ARMC9: variants seen among roughly 807,000 people sequenced by gnomAD.
The protein encoded by ARMC9 is armadillo repeat containing 9.
A neutral mutation model predicts 107.0 loss-of-function variants in ARMC9; 94 were observed. The ratio of observed to expected loss-of-function variants is 0.88; its 90% CI spans 0.74 to 1.04. The LOEUF is 1.04. ARMC9 is among the 50% of genes least tolerant of loss of function. The probability of loss-of-function intolerance (pLI) is 0.00; values close to 1 mark genes in which losing one functional copy is unlikely to be tolerated. For synonymous variants in ARMC9, 380 were observed against 396.9 expected (o/e 0.96, Z 0.51); for missense variants, 942 against 1,030.1 (o/e 0.91, Z 1.17).
intron 7 of ARMC9, among the ~76,000 whole-genome samples, chr2:231,229,751 A>C (rs2035030014): frequency 6.6e-6 from 1 of 152,238 alleles, no homozygotes; most frequent in Admixed American, 6.5e-5. Flanking sequence ...ACAAACAGGA[A>C]AGAGTATATC....
At chr2:231,249,708 G>A (rs543140544) in intron 9 of ARMC9, among the ~76,000 whole-genome samples, 1 of 152,290 alleles carries the variant, frequency 6.6e-6, no homozygotes, top group South Asian at 2.1e-4. Flanking sequence ...TAATTGATGG[G>A]TTACTACATT....
intron 17 of ARMC9, among the ~76,000 whole-genome samples, chr2:231,290,694 G>A (rs2125470482): frequency 6.6e-6 from 1 of 152,112 alleles, no homozygotes; most frequent in Admixed American, 6.5e-5. Context: ...CTGGCATCAG[G>A]GTATTATAAT....
In ARMC9 at chr2:231,365,155, A is replaced by C. The variant is rs374974973; in HGVS notation, c.2261+4272A>C. ...GAGGCCAGATTAGGGCAGAGCAGAG[A>C]AACCATGTGGAAAGGAAGTCCAGGA... On this transcript the variant is annotated intron_variant, in intron 23 of 24. Coordinates refer to ENST00000611582, the MANE Select transcript of ARMC9 (RefSeq NM_001352754.2). Among the ~76,000 whole-genome samples the C allele has an allele frequency of 2.6e-5, 4 of 152,194 alleles. No individual in the cohort carries two copies. The East Asian group carries it at 7.7e-4, about 29-fold the overall frequency.
At chr2:231,240,672 A>G (rs574005368) in intron 9 of ARMC9, among the ~76,000 whole-genome samples, 9 of 152,228 alleles carry the variant, frequency 5.9e-5, no homozygotes, top group Non-Finnish European at 1.3e-4. Flanking sequence ...TACCAACTTC[A>G]GTAAATTTAA....
At chr2:231,354,318 G>GC (rs1483285865) in intron 21 of ARMC9, among the ~76,000 whole-genome samples, 7 of 143,918 alleles carry the variant, frequency 4.9e-5, no homozygotes, top group East Asian at 2.0e-4. Context: ...AGACTTTCCT[G>GC]CCCCCCTCAG....
At chr2:231,289,683 G>A (rs1395026490) in intron 17 of ARMC9, among the ~76,000 whole-genome samples, 2 of 152,252 alleles carry the variant, frequency 1.3e-5, no homozygotes, top group Middle Eastern at 3.4e-3. Flanking sequence ...GCCTGGCCAG[G>A]TGTCCAACTG....
intron 1 of ARMC9, among the ~76,000 whole-genome samples, chr2:231,203,282 C>T (rs760084158): frequency 1.3e-5 from 2 of 152,172 alleles, no homozygotes; most frequent in Non-Finnish European, 2.9e-5. Flanking sequence ...CCCAGGTTTT[C>T]GTTGACTCAG....
At chr2:231,265,572 G>A (rs1487860548) in intron 12 of ARMC9, among the ~76,000 whole-genome samples, 1 of 152,076 alleles carries the variant, frequency 6.6e-6, no homozygotes, top group African/African-American at 2.4e-5. Context: ...TTTTATAATG[G>A]ACCTTGCACA....
rs575577896 is a variant in ARMC9, at chr2:231,370,040, A to G, written c.2349A>G (p.Ser783=). Residue 783 remains serine, a synonymous_variant, in exon 24 of 25, where the codon TCA becomes TCG. Transcript: ENST00000611582. Reference sequence around the variant, plus strand: ...GGAACCCACCCAAGGCAAAGGCGTCAGTTCTGGCCCCTCTGTTCTCTTCGT... The same window carrying G: ...GGAACCCACCCAAGGCAAAGGCGTCGGTTCTGGCCCCTCTGTTCTCTTCGT... ...LDWNPPKAKA[S]VLAPLFSSCG... 236 of 1,535,730 alleles carry G rather than the reference A, an allele frequency of 1.5e-4. 2 individuals carry two copies. In the African/African-American group the frequency reaches 3.0e-3, roughly 20 times the overall value.
intron 17 of ARMC9, among the ~76,000 whole-genome samples, chr2:231,288,473 G>T (rs1574959704): frequency 6.6e-6 from 1 of 152,290 alleles, no homozygotes; most frequent in East Asian, 1.9e-4. Context: ...TTTCTCAGGG[G>T]AAAATTTCCC....
rs112304408 is a variant in ARMC9, at chr2:231,331,912, A to G, written c.1878+15A>G. On this transcript the variant is annotated intron_variant, in intron 20 of 24. Transcript: ENST00000611582. ...AGTACCTGGGGGTAAGTGCCACACA[A>G]AGGGTGGGGATCCTGAAACAGAAAG... The G allele has an allele frequency of 8.9e-3, 14,137 of 1,590,888 alleles. 198 individuals are homozygous for G. The highest frequency in any genetic ancestry group is 0.057 in the African/African-American group (4,244 of 74,542).
chr2:231,302,848 A>G (rs2041837930), intron 19 of ARMC9, among the ~76,000 whole-genome samples: 1 of 152,106 alleles, frequency 6.6e-6, no homozygotes, highest in Non-Finnish European at 1.5e-5. Flanking sequence ...TACCAAAAAT[A>G]CAAAAATTAG....
intron 5 of ARMC9, among the ~76,000 whole-genome samples, chr2:231,220,111 C>T (rs1189013555): frequency 6.6e-6 from 1 of 152,218 alleles, no homozygotes; most frequent in Non-Finnish European, 1.5e-5. Context: ...TCTGGGTGAT[C>T]TCTTCACATC....
chr2:231,235,694 G>A (rs1283855690), intron 8 of ARMC9, among the ~76,000 whole-genome samples: 1 of 152,130 alleles, frequency 6.6e-6, no homozygotes, highest in Non-Finnish European at 1.5e-5. Flanking sequence ...CCAGGTTGGA[G>A]TGCAATGGCG....
intron 19 of ARMC9, among the ~76,000 whole-genome samples, chr2:231,302,433 G>GTTTTTTTTTTTTTTTTTTTTTTTT (rs1322418026): frequency 7.3e-5 from 7 of 96,442 alleles, no homozygotes; most frequent in East Asian, 3.0e-4. Flanking sequence ...AGCATTGTGG[G>GTTTTTTTTTTTTTTTTTTTTTTTT]TTTGTTTTTT....
chr2:231,201,008 A>G (rs576603037), intron 1 of ARMC9, among the ~76,000 whole-genome samples: 3 of 152,296 alleles, frequency 2.0e-5, no homozygotes, highest in East Asian at 1.9e-4. Context: ...AGCTTGTTGC[A>G]TGGGGGAATG....
intron 9 of ARMC9, among the ~76,000 whole-genome samples, chr2:231,253,186 G>A (rs1403093728): frequency 6.6e-6 from 1 of 151,738 alleles, no homozygotes; most frequent in Admixed American, 6.6e-5. Flanking sequence ...GTGCAGTGGT[G>A]TGATCGCAGC....
At chr2:231,240,641 T>C (rs2036208527) in intron 9 of ARMC9, among the ~76,000 whole-genome samples, 2 of 152,216 alleles carry the variant, frequency 1.3e-5, no homozygotes, top group Non-Finnish European at 2.9e-5. Flanking sequence ...TTAGGAATAT[T>C]CTCTCATATA....
chr2:231,206,574 CT>C (rs1473811590), intron 2 of ARMC9, among the ~76,000 whole-genome samples: 3 of 152,164 alleles, frequency 2.0e-5, no homozygotes, highest in Non-Finnish European at 4.4e-5. Context: ...CCCTCCCAGA[CT>C]TTTTTCTATG....
Sources: gnomAD v4.1 joint callset for allele counts (sites outside exome capture counted in the v4.1 genomes callset) on GRCh38, gnomAD v4.1.1 for gene constraint, MANE v1.5 for transcripts, NCBI Gene and HGNC (gene_info 2026-07-23, HGNC 2026-07-21) for gene names.